SASH1: variants seen among roughly 807,000 people sequenced by gnomAD.
The protein encoded by SASH1 is SAM and SH3 domain containing 1, also known as SAM and SH3 domain-containing protein 1.
Under a neutral mutation model 125.2 loss-of-function variants are expected in SASH1, and 44 were observed. That is an observed-to-expected ratio of 0.35 (90% CI 0.28 to 0.45). The LOEUF is 0.45. Among genes scored for constraint, SASH1 ranks in the 20% least tolerant of loss-of-function variants. The probability of loss-of-function intolerance (pLI) is 1.00; values close to 1 mark genes in which losing one functional copy is unlikely to be tolerated. For missense variants in SASH1, 1,426 were observed against 1,614.5 expected (o/e 0.88, Z 2.00); for synonymous variants, 639 against 649.1 (o/e 0.98, Z 0.24).
intron 17 of SASH1, among the ~76,000 whole-genome samples, chr6:148,543,338 G>A (rs575490317): frequency 7.2e-5 from 11 of 152,214 alleles, no homozygotes; most frequent in African/African-American, 2.2e-4. Flanking sequence ...ATCAATATGC[G>A]GTATGATGAT....
chr6:148,498,839 T>C (rs1315824010), intron 8 of SASH1, among the ~76,000 whole-genome samples: 4 of 152,210 alleles, frequency 2.6e-5, no homozygotes, highest in African/African-American at 9.6e-5. Flanking sequence ...ATTGATTACA[T>C]GTCAATTCCT....
intron 6 of SASH1, among the ~76,000 whole-genome samples, chr6:148,472,864 C>T (rs989035245): frequency 1.3e-5 from 2 of 152,166 alleles, no homozygotes; most frequent in African/African-American, 4.8e-5. Context: ...CGGGGGCATC[C>T]TAACGATATT....
At chr6:148,297,183 G>T (rs189484527) in intron 1 of SASH1, among the ~76,000 whole-genome samples, 1 of 152,200 alleles carries the variant, frequency 6.6e-6, no homozygotes, top group African/African-American at 2.4e-5. Flanking sequence ...GCACGCTGTC[G>T]CGGGGAGCAG....
At chr6:148,389,291 C>A (rs1783604978) in intron 1 of SASH1, among the ~76,000 whole-genome samples, 1 of 152,288 alleles carries the variant, frequency 6.6e-6, no homozygotes, top group African/African-American at 2.4e-5. Flanking sequence ...TGAGACGTGC[C>A]TAAGGCCACT....
chr6:148,228,692 C>T, the SASH1 span, among the ~76,000 whole-genome samples: 1 of 152,174 alleles, frequency 6.6e-6, no homozygotes, highest in Non-Finnish European at 1.5e-5. Flanking sequence ...TTATGCTCCA[C>T]CAGCATGTGA....
At chr6:148,454,701 C>A (rs963687610) in intron 4 of SASH1, among the ~76,000 whole-genome samples, 4 of 152,102 alleles carry the variant, frequency 2.6e-5, no homozygotes, top group Admixed American at 6.5e-5. Context: ...CCACTGTCAG[C>A]GTGAGGAGGT....
At chr6:148,497,483 A>T (rs1267145057) in intron 8 of SASH1, among the ~76,000 whole-genome samples, 1 of 152,224 alleles carries the variant, frequency 6.6e-6, no homozygotes, top group Non-Finnish European at 1.5e-5. Context: ...CTCAGACTTG[A>T]GTCAGACCTG....
chr6:148,370,754 C>T (rs1001008493), intron 1 of SASH1, among the ~76,000 whole-genome samples: 11 of 147,922 alleles, frequency 7.4e-5, no homozygotes, highest in African/African-American at 2.0e-4. Context: ...ACCCGGGAGG[C>T]GGAGCTTGCA....
the SASH1 span, among the ~76,000 whole-genome samples, chr6:148,223,269 AC>A: frequency 3.3e-5 from 5 of 152,032 alleles, no homozygotes; most frequent in African/African-American, 1.2e-4. Flanking sequence ...TATATCTGTG[AC>A]CCCCCTCAGA....
At chr6:148,387,896 G>A (rs1323196255) in intron 1 of SASH1, among the ~76,000 whole-genome samples, 5 of 134,292 alleles carry the variant, frequency 3.7e-5, no homozygotes, top group Admixed American at 8.2e-5. Flanking sequence ...CCACTAATGC[G>A]CCCTGCTAAT....
chr6:148,322,269 T>C (rs941463146), intron 1 of SASH1, among the ~76,000 whole-genome samples: 1 of 152,074 alleles, frequency 6.6e-6, no homozygotes, highest in South Asian at 2.1e-4. Context: ...TGAGAATCAG[T>C]TGAACCCGGG....
At chr6:148,207,414 T>C in the SASH1 span, among the ~76,000 whole-genome samples, 16 of 152,368 alleles carry the variant, frequency 1.1e-4, no homozygotes, top group South Asian at 3.1e-3. Flanking sequence ...GACTGATGAC[T>C]GTCCTCTTAG....
chr6:148,420,355 T>G (rs930767558), intron 2 of SASH1, among the ~76,000 whole-genome samples: 1 of 152,178 alleles, frequency 6.6e-6, no homozygotes, highest in Non-Finnish European at 1.5e-5. Context: ...TTCAGAAGGC[T>G]TAAAAAAAAT....
At position 148,532,568 on chromosome 6, in the gene SASH1, C is replaced by T. The variant is rs1439538294; in HGVS notation, c.1565-229C>T. 6.6e-6 allele frequency among the ~76,000 whole-genome samples: 1 copy of T among 152,182 alleles called. No individual in the cohort carries two copies. Among genetic ancestry groups the T allele is most frequent in the Non-Finnish European group, 1.5e-5 (1 of 68,046 alleles). On this transcript the variant is annotated intron_variant, in intron 13 of 19. Transcript: ENST00000367467. This position sits in a 1 kb window ranked among gnomAD's most constrained non-coding sequence, Gnocchi z 4.7. The stretch of plus-strand genomic sequence containing the variant: ...GGGATCCTCCGTGCCACATGGATTC[C>T]CAGGTCATGAGGGTAACTTGCTGTG...
At position 148,548,676 on chromosome 6, in the gene SASH1, G is replaced by C; in HGVS notation, c.*118G>C. On this transcript the variant is annotated 3_prime_UTR_variant, in exon 20 of 20. Transcript: ENST00000367467. Reference sequence around the variant, plus strand: ...ACCAGATCCAGAAGAAAGGCCTGGCGTGTGGCCAAACAGCGTGAAACCTTG... The same window carrying C: ...ACCAGATCCAGAAGAAAGGCCTGGCCTGTGGCCAAACAGCGTGAAACCTTG... The C allele has an allele frequency of 7.9e-7, 1 of 1,262,228 alleles. No individual in the cohort carries two copies. Among genetic ancestry groups the C allele is most frequent in the Non-Finnish European group, 1.1e-6 (1 of 922,360 alleles). The allele number at this position is 1,262,228 out of a possible 1,614,324, so 78.2% of individuals were successfully genotyped here.
the SASH1 span, among the ~76,000 whole-genome samples, chr6:148,224,558 A>C: frequency 2.0e-5 from 3 of 152,138 alleles, no homozygotes; most frequent in Middle Eastern, 3.4e-3. Flanking sequence ...ATGGGGTTTC[A>C]CCATGTTAGC....
chr6:148,454,220 G>A (rs1777233307), intron 4 of SASH1, among the ~76,000 whole-genome samples: 1 of 152,196 alleles, frequency 6.6e-6, no homozygotes, highest in Non-Finnish European at 1.5e-5. Flanking sequence ...AGCTGAGGAG[G>A]AGACCCAGCA....
chr6:148,307,054 TTCTTTC>T (rs1582944588), intron 1 of SASH1, among the ~76,000 whole-genome samples: 1 of 145,932 alleles, frequency 6.9e-6, no homozygotes, highest in Non-Finnish European at 1.5e-5. Context: ...CTTTCTTTCT[TTCTTTC>T]TTTCTTTCTT....
chr6:148,271,978 T>C (rs1297119562), upstream of SASH1, among the ~76,000 whole-genome samples: 1 of 152,204 alleles, frequency 6.6e-6, no homozygotes, highest in Non-Finnish European at 1.5e-5. Context: ...TGTTAGTTAC[T>C]AAAATATCTG....
Sources: allele counts gnomAD v4.1 joint callset (sites outside exome capture counted in the v4.1 genomes callset), GRCh38; gene constraint gnomAD v4.1.1; non-coding constraint Gnocchi (gnomAD v3.1); transcripts MANE v1.5; gene names NCBI Gene and HGNC (gene_info 2026-07-23, HGNC 2026-07-21).